The following BRWD1 variants were observed in gnomAD, a reference collection of about 807,000 sequenced individuals.
The protein encoded by BRWD1 is bromodomain and WD repeat-containing protein 1.
BRWD1 carries 82 observed loss-of-function variants against 251.2 expected under a neutral mutation model. That is an observed-to-expected ratio of 0.33 (90% CI 0.27 to 0.39). The LOEUF (loss-of-function observed/expected upper bound fraction) is 0.39, where lower values mean the gene tolerates loss of function less well. Among genes scored for constraint, BRWD1 ranks in the 10% least tolerant of loss-of-function variants. BRWD1 has a pLI of 1.00. For synonymous variants in BRWD1, 918 were observed against 902.8 expected (o/e 1.02, Z -0.30); for missense variants, 2,233 against 2,711.6 (o/e 0.82, Z 3.92).
intron 35 of BRWD1, 24 bp from the exon 36 acceptor site, chr21:39,210,171 A>G (rs1289158086): frequency 1.3e-6 from 2 of 1,536,258 alleles, no homozygotes; most frequent in African/African-American, 1.4e-5. Flanking sequence ...ACAATATTTA[A>G]TTCATAGATT....
intron 5 of BRWD1, chr21:39,296,985 A>G (rs1003573315): frequency 1.1e-5 from 11 of 985,110 alleles, no homozygotes; most frequent in Non-Finnish European, 4.8e-6. Context: ...TTTAGGAAGT[A>G]CCAATAAATT....
In BRWD1 at chr21:39,280,081, C is replaced by T. The variant is rs759056237; in HGVS notation, c.932+67G>A. ...ACAATTTCTCATAACAATAAAACTT[C>T]ATTTCATTAGATTAAACTGTAACTA... On this transcript the variant is annotated intron_variant, in intron 9 of 40. Transcript: ENST00000342449. 9.3e-6 allele frequency: 11 copies of T among 1,176,614 alleles called. No individual in the cohort carries two copies. In the Admixed American group the frequency reaches 2.2e-4, roughly 23 times the overall value. The allele number at this position is 1,176,614 out of a possible 1,614,324, so 72.9% of individuals were successfully genotyped here.
At chr21:39,314,238 C>A (rs752547900), upstream of BRWD1, 2 of 455,436 alleles carry the variant, frequency 4.4e-6, no homozygotes, top group East Asian at 7.0e-5. Context: ...GCGGGGGCCT[C>A]GTATGCTGGC....
At chr21:39,211,292 C>T (rs1348724609) in intron 34 of BRWD1, among the ~76,000 whole-genome samples, 1 of 152,118 alleles carries the variant, frequency 6.6e-6, no homozygotes, top group Non-Finnish European at 1.5e-5. Flanking sequence ...CCAAAGATGT[C>T]CACATCATAA....
Position 39,190,509 on chromosome 21 carries a change from G to A in BRWD1, c.*5750C>T. 1 of 985,226 alleles carries A rather than the reference G, an allele frequency of 1.0e-6. No individual in the cohort carries two copies. The highest frequency in any genetic ancestry group is 1.2e-6 in the Non-Finnish European group (1 of 829,888). 61.0% of individuals were successfully genotyped at this position (985,226 alleles called of 1,614,324 possible). On this transcript the variant is annotated 3_prime_UTR_variant, in exon 41 of 41. Transcript: ENST00000342449. ...GTGGATAAATCAAATCCACAAAGTG[G>A]GTAAACCCTCTAGGTGCAAGTTATA...
chr21:39,241,759 A>C (rs1202097789), intron 21 of BRWD1, among the ~76,000 whole-genome samples: 6 of 152,126 alleles, frequency 3.9e-5, no homozygotes, highest in African/African-American at 1.2e-4. Flanking sequence ...CCCTGAACCC[A>C]GTAAATTTAT....
At chr21:39,213,319 C>T (rs774836796) in intron 33 of BRWD1, among the ~76,000 whole-genome samples, 162 bp downstream of exon 33, 10 of 152,124 alleles carry the variant, frequency 6.6e-5, no homozygotes, top group Non-Finnish European at 1.3e-4. Flanking sequence ...AACAAATTAC[C>T]TCATAAATCA....
rs1043095099 is a variant in BRWD1, at chr21:39,293,841, T to C, written c.801A>G (p.Gln267=). The C allele has an allele frequency of 1.2e-6, 2 of 1,614,198 alleles. No individual in the cohort carries two copies. Among genetic ancestry groups the C allele is most frequent in the Non-Finnish European group, 1.7e-6 (2 of 1,180,030 alleles). Residue 267 remains glutamine (Q), a synonymous_variant, in exon 8 of 41, where the codon CAA becomes CAG. Transcript: ENST00000342449. ...LRTCAPVAVL[Q]GHTGSITSLQ... is the part of the protein sequence containing the mutation. Reference sequence around the variant, plus strand: ...AAGATGTAATTGATCCTGTGTGTCCTTGGAGCACAGCAACTGGGGCACAAG... The same window carrying C: ...AAGATGTAATTGATCCTGTGTGTCCCTGGAGCACAGCAACTGGGGCACAAG...
At chr21:39,313,934 G>A (rs2036624268), upstream of BRWD1, 2 of 335,932 alleles carry the variant, frequency 6.0e-6, no homozygotes, top group South Asian at 4.4e-5. Context: ...TGGCCCAGCA[G>A]CGGGCGGGTG....
At chr21:39,204,780 G>T (rs953888315) in intron 37 of BRWD1, among the ~76,000 whole-genome samples, 3 of 152,106 alleles carry the variant, frequency 2.0e-5, no homozygotes, top group Non-Finnish European at 2.9e-5. Flanking sequence ...TCCTCATAAG[G>T]AGCACACAAC....
intron 17 of BRWD1, among the ~76,000 whole-genome samples, chr21:39,263,438 G>A (rs141145998): frequency 6.6e-6 from 1 of 152,262 alleles, no homozygotes; most frequent in Non-Finnish European, 1.5e-5. Flanking sequence ...GACTGAAAAA[G>A]TGTAAGGACT....
intron 8 of BRWD1, among the ~76,000 whole-genome samples, chr21:39,283,598 A>C (rs2035540734): frequency 6.6e-6 from 1 of 152,208 alleles, no homozygotes; most frequent in African/African-American, 2.4e-5. Context: ...CATCGTATTA[A>C]GCTCTCAGCA....
At chr21:39,202,622 A>G in intron 37 of BRWD1, 77 bp from the exon 38 acceptor site, 1 of 961,508 alleles carries the variant, frequency 1.0e-6, no homozygotes, top group South Asian at 1.7e-5. Context: ...ATGACTAAAT[A>G]GAAGTATATC....
chr21:39,284,833 T>C (rs2146717989), intron 8 of BRWD1, among the ~76,000 whole-genome samples: 1 of 152,364 alleles, frequency 6.6e-6, no homozygotes, highest in East Asian at 1.9e-4. Flanking sequence ...GTCAGATGCA[T>C]AAAGTTTACA....
chr21:39,314,941 T>A (rs931515079), upstream of BRWD1: 2 of 153,012 alleles, frequency 1.3e-5, no homozygotes, highest in African/African-American at 4.8e-5. Context: ...TTTAATGAAT[T>A]TGTGTTCCTG....
At chr21:39,297,595 G>T in intron 5 of BRWD1, 1 of 250,378 alleles carries the variant, frequency 4.0e-6, no homozygotes, top group Non-Finnish European at 6.3e-6. Flanking sequence ...GTCCTGATTA[G>T]TGCCACAGGG....
Position 39,194,644 on chromosome 21 carries a change from T to TA in BRWD1, c.*1614dup. 1 of 1,532,530 alleles carries TA rather than the reference T, an allele frequency of 6.5e-7. No homozygotes were observed. The highest frequency in any genetic ancestry group is 8.7e-7 in the Non-Finnish European group (1 of 1,144,630). The allele number at this position is 1,532,530 out of a possible 1,614,324, so 94.9% of individuals were successfully genotyped here. Reference sequence around the variant, plus strand: ...GTACCTTCTACTATGTCAAATGGAATAGATAACTACAAAATAGGAACACTT... The same window carrying TA: ...GTACCTTCTACTATGTCAAATGGAATAAGATAACTACAAAATAGGAACACTT... On this transcript the variant is annotated 3_prime_UTR_variant, in exon 41 of 41. Coordinates refer to ENST00000342449, the MANE Select transcript of BRWD1 (RefSeq NM_033656.4).
At chr21:39,246,955 G>GTA (rs2034211647) in intron 21 of BRWD1, among the ~76,000 whole-genome samples, 1 of 152,082 alleles carries the variant, frequency 6.6e-6, no homozygotes, top group Non-Finnish European at 1.5e-5. Context: ...CCACTCACCT[G>GTA]TAGCCCCAGC....
intron 31 of BRWD1, 32 bp from the exon 32 acceptor site, chr21:39,215,394 G>A: frequency 6.3e-7 from 1 of 1,585,982 alleles, no homozygotes; most frequent in Non-Finnish European, 8.6e-7. Flanking sequence ...TTAGGGCTTA[G>A]AAAATGAGAA....
Sources: gnomAD v4.1 joint callset for allele counts (sites outside exome capture counted in the v4.1 genomes callset) on GRCh38, gnomAD v4.1.1 for gene constraint, MANE v1.5 for transcripts, NCBI Gene and HGNC (gene_info 2026-07-23, HGNC 2026-07-21) for gene names.